BCAS3: variants seen among roughly 807,000 people sequenced by gnomAD.
The protein encoded by BCAS3 is BCAS4/BCAS3 fusion.
BCAS3 carries 53 observed loss-of-function variants against 116.1 expected under a neutral mutation model. The ratio of observed to expected loss-of-function variants is 0.46; its 90% CI spans 0.37 to 0.57. BCAS3 has a LOEUF of 0.57. Among genes scored for constraint, BCAS3 ranks in the 20% least tolerant of loss-of-function variants. BCAS3 has a pLI of 0.00. For missense variants in BCAS3, 917 were observed against 1,165.4 expected, an observed-to-expected ratio of 0.79 and a Z score of 3.10; for synonymous variants, 391 against 408.2, an observed-to-expected ratio of 0.96 and a Z score of 0.51.
At position 61,248,684 on chromosome 17, in the gene BCAS3, C is replaced by T. The variant is rs971878125; in HGVS notation, c.2426-119643C>T. Among the ~76,000 whole-genome samples, 2 of 152,108 alleles carry T rather than the reference C, an allele frequency of 1.3e-5. No homozygotes were observed. The highest frequency in any genetic ancestry group is 2.9e-5 in the Non-Finnish European group (2 of 68,006). On this transcript the variant is annotated intron_variant, in intron 22 of 23. Transcript: ENST00000407086. This position sits in a 1 kb window ranked among gnomAD's most constrained non-coding sequence, Gnocchi z 4.3. ...AGCCAGCTTTGTGGCAGATGACCAA[C>T]CCTGATAGCCTGATTTTTAAGGCCC... is the stretch of plus-strand genomic sequence containing the variant.
chr17:61,260,958 G>A (rs1028956856), intron 22 of BCAS3, among the ~76,000 whole-genome samples: 1 of 152,116 alleles, frequency 6.6e-6, no homozygotes, highest in Admixed American at 6.6e-5. Flanking sequence ...GGATTTAGTT[G>A]GAACTATTTT....
chr17:61,329,884 C>G (rs2056118041), intron 22 of BCAS3, among the ~76,000 whole-genome samples: 1 of 152,082 alleles, frequency 6.6e-6, no homozygotes, highest in African/African-American at 2.4e-5. Context: ...AGCAGCTGTC[C>G]CTGATTATGA....
chr17:60,851,929 T>C (rs1313191502), intron 7 of BCAS3, among the ~76,000 whole-genome samples: 2 of 152,222 alleles, frequency 1.3e-5, no homozygotes, highest in Non-Finnish European at 2.9e-5. Context: ...TGAAATCATT[T>C]GCTGGTTGTT....
In BCAS3 at chr17:61,337,967, G is replaced by A. The variant is rs1000447445; in HGVS notation, c.2426-30360G>A. On this transcript the variant is annotated intron_variant, in intron 22 of 23. Transcript: ENST00000407086. The surrounding 1 kb of genome is among the most constrained non-coding windows in gnomAD (Gnocchi z 4.8). ...CAGCTCTAGGGTATTGTTAGTCTGG[G>A]TTCTGACTTAGGAACTGCAGCGTCC... Among the ~76,000 whole-genome samples, 1 of 152,200 alleles carries A rather than the reference G, an allele frequency of 6.6e-6. No homozygotes were observed. Among genetic ancestry groups the A allele is most frequent in the Non-Finnish European group, 1.5e-5 (1 of 68,036 alleles).
At chr17:60,697,454 G>T (rs1030644432) in intron 4 of BCAS3, among the ~76,000 whole-genome samples, 2 of 151,770 alleles carry the variant, frequency 1.3e-5, no homozygotes, top group Admixed American at 6.6e-5. Context: ...ATGGTGGCAG[G>T]TGCCCGTAAT....
Position 61,349,074 on chromosome 17 carries a change from G to C in BCAS3, c.2426-19253G>C, listed in dbSNP as rs1425642199. ...GCCCTCTTGGGCAGAGATTCTTAAG[G>C]CTGGATTTGAGGACCCGTGCTTTGG... On this transcript the variant is annotated intron_variant, in intron 22 of 23. Coordinates refer to ENST00000407086, the MANE Select transcript of BCAS3 (RefSeq NM_017679.5). This position sits in a 1 kb window ranked among gnomAD's most constrained non-coding sequence, Gnocchi z 4.7. Among the ~76,000 whole-genome samples, 1 of 152,130 alleles carries C rather than the reference G, an allele frequency of 6.6e-6. No individual in the cohort carries two copies. The highest frequency in any genetic ancestry group is 1.5e-5 in the Non-Finnish European group (1 of 68,030).
intron 7 of BCAS3, chr17:60,810,601 G>T: frequency 1.4e-6 from 1 of 719,990 alleles, no homozygotes; most frequent in South Asian, 1.4e-5. Context: ...AAATACTGTG[G>T]ACAGTGCCTG....
intron 5 of BCAS3, among the ~76,000 whole-genome samples, chr17:60,725,823 G>A (rs916862918): frequency 5.9e-5 from 9 of 151,952 alleles, no homozygotes; most frequent in African/African-American, 2.2e-4. Context: ...ATGACAGGAT[G>A]CCTGGGGGAG....
chr17:61,191,226 A>C (rs1183561341), intron 22 of BCAS3, among the ~76,000 whole-genome samples: 1 of 152,196 alleles, frequency 6.6e-6, no homozygotes, highest in African/African-American at 2.4e-5. Context: ...TGATTGCACC[A>C]CTGCACTCCA....
intron 6 of BCAS3, among the ~76,000 whole-genome samples, chr17:60,770,095 G>A (rs1356145566): frequency 1.3e-5 from 2 of 152,044 alleles, no homozygotes; most frequent in Non-Finnish European, 2.9e-5. Context: ...TTAGAATGGT[G>A]CCAAGCTGCA....
At chr17:60,924,312 T>C in intron 12 of BCAS3, 95 bp from the exon 13 acceptor site, 1 of 944,678 alleles carries the variant, frequency 1.1e-6, no homozygotes, top group Non-Finnish European at 1.7e-6. Flanking sequence ...ACATGTTATT[T>C]GGTCAGTGGT....
At chr17:60,761,692 A>G (rs1021258698) in intron 6 of BCAS3, among the ~76,000 whole-genome samples, 28 of 152,052 alleles carry the variant, frequency 1.8e-4, no homozygotes, top group African/African-American at 6.5e-4. Context: ...TTATAGCAGC[A>G]TGATTTATAA....
intron 6 of BCAS3, among the ~76,000 whole-genome samples, chr17:60,767,151 G>C (rs1450166074): frequency 2.6e-5 from 4 of 152,056 alleles, no homozygotes; most frequent in Non-Finnish European, 5.9e-5. Context: ...TTGCGCTTCC[G>C]GGGTGAGGCA....
chr17:60,944,075 C>A (rs530311019), intron 13 of BCAS3, among the ~76,000 whole-genome samples: 1 of 150,874 alleles, frequency 6.6e-6, no homozygotes, highest in African/African-American at 2.4e-5. Flanking sequence ...ATAAGAAACT[C>A]GAAAAAAGGA....
Position 61,309,313 on chromosome 17 carries a change from A to G in BCAS3, c.2426-59014A>G, listed in dbSNP as rs796996229. ...CGTCCTCCCCATTCATTCTAGGGTA[A>G]TAAGGGCTGGTGGAGAGGCGGTGTC... is the stretch of plus-strand genomic sequence containing the variant. On this transcript the variant is annotated intron_variant, in intron 22 of 23. Transcript: ENST00000407086. The surrounding 1 kb of genome is among the most constrained non-coding windows in gnomAD (Gnocchi z 4.6). 6.6e-6 allele frequency among the ~76,000 whole-genome samples: 1 copy of G among 152,268 alleles called. No homozygotes were observed. Among genetic ancestry groups the G allele is most frequent in the South Asian group, 2.1e-4 (1 of 4,808 alleles).
intron 5 of BCAS3, 122 bp downstream of exon 5, chr17:60,709,447 T>C (rs960596330): frequency 1.6e-6 from 1 of 606,802 alleles, no homozygotes; most frequent in Admixed American, 3.0e-5. Context: ...TGGAATGCAG[T>C]GGTGCGATCT....
intron 19 of BCAS3, among the ~76,000 whole-genome samples, chr17:61,074,486 G>A (rs1260704023): frequency 6.6e-6 from 1 of 152,134 alleles, no homozygotes; most frequent in African/African-American, 2.4e-5. Context: ...ATCTAAGAAA[G>A]ATGATGTATT....
chr17:60,829,079 T>C (rs1320450963), intron 7 of BCAS3, among the ~76,000 whole-genome samples: 1 of 148,818 alleles, frequency 6.7e-6, no homozygotes, highest in Admixed American at 6.6e-5. Flanking sequence ...TCCAAGAAGA[T>C]AAAAATCTGT....
In BCAS3 at chr17:61,217,030, C is replaced by T. The variant is rs2081838764; in HGVS notation, c.2425+132466C>T. ...GGTGGGGTGGCTGACACCTGTAATC[C>T]CAGCACTTTGGGAGGCTGAGGTGGG... On this transcript the variant is annotated intron_variant, in intron 22 of 23. Coordinates refer to ENST00000407086, the MANE Select transcript of BCAS3 (RefSeq NM_017679.5). The surrounding 1 kb of genome is among the most constrained non-coding windows in gnomAD (Gnocchi z 5.2). 1.3e-5 allele frequency among the ~76,000 whole-genome samples: 2 copies of T among 151,448 alleles called. No homozygotes were observed. Among genetic ancestry groups the T allele is most frequent in the Non-Finnish European group, 2.9e-5 (2 of 67,886 alleles).
Sources: allele counts gnomAD v4.1 joint callset (sites outside exome capture counted in the v4.1 genomes callset), GRCh38; gene constraint gnomAD v4.1.1; non-coding constraint Gnocchi (gnomAD v3.1); transcripts MANE v1.5; gene names NCBI Gene and HGNC (gene_info 2026-07-23, HGNC 2026-07-21).